Variants in MYO3A observed in about 807,000 individuals in gnomAD.
The protein encoded by MYO3A is myosin IIIA.
In MYO3A, 180 loss-of-function variants were observed where a neutral mutation model predicts 192.7. The ratio of observed to expected loss-of-function variants is 0.93; its 90% CI spans 0.83 to 1.06. The LOEUF (loss-of-function observed/expected upper bound fraction) is 1.06, where lower values mean the gene tolerates loss of function less well. MYO3A is among the 50% of genes least tolerant of loss of function. MYO3A has a pLI of 0.00. For missense variants in MYO3A, 1,896 were observed against 1,905.0 expected (o/e 1.00, Z 0.09); for synonymous variants, 628 against 645.3 (o/e 0.97, Z 0.41).
At chr10:25,967,838 G>C (rs1398120803) in intron 4 of MYO3A, among the ~76,000 whole-genome samples, 1 of 152,004 alleles carries the variant, frequency 6.6e-6, no homozygotes, top group African/African-American at 2.4e-5. Flanking sequence ...AGCACAATAG[G>C]CATATGGGAG....
chr10:26,044,741 G>A (rs1291401289), intron 10 of MYO3A, among the ~76,000 whole-genome samples: 2 of 152,098 alleles, frequency 1.3e-5, no homozygotes, highest in Non-Finnish European at 2.9e-5. Context: ...CAACCAATGG[G>A]GTACATATCT....
chr10:26,099,944 T>C (rs530078841), intron 17 of MYO3A, among the ~76,000 whole-genome samples: 3 of 152,198 alleles, frequency 2.0e-5, no homozygotes, highest in African/African-American at 7.2e-5. Flanking sequence ...TTAGGGAGGA[T>C]TCCCTCTTTT....
chr10:25,977,275 C>T (rs2130772637), intron 4 of MYO3A, among the ~76,000 whole-genome samples: 1 of 152,270 alleles, frequency 6.6e-6, no homozygotes, highest in East Asian at 1.9e-4. Context: ...CCATTTTAAT[C>T]AAACTCTTGA....
At chr10:26,166,333 TC>T (rs1841750017) in intron 27 of MYO3A, 155 bp downstream of exon 27, 8 of 721,288 alleles carry the variant, frequency 1.1e-5, no homozygotes, top group African/African-American at 1.8e-5. Context: ...ATAAAGATTT[TC>T]TTTTTCGTCA....
At chr10:25,955,087 C>T (rs1409191698) in intron 4 of MYO3A, 79 bp downstream of exon 4, 1 of 1,535,572 alleles carries the variant, frequency 6.5e-7, no homozygotes, top group East Asian at 2.3e-5. Context: ...ATTTATGTAA[C>T]ATTGATATCA....
intron 9 of MYO3A, among the ~76,000 whole-genome samples, chr10:26,024,554 A>G (rs1486232726): frequency 6.6e-6 from 1 of 152,120 alleles, no homozygotes; most frequent in Non-Finnish European, 1.5e-5. Flanking sequence ...GTGGCTGCTT[A>G]TGGTGTCACT....
At chr10:26,064,246 A>G (rs2131357216) in intron 10 of MYO3A, among the ~76,000 whole-genome samples, 1 of 152,316 alleles carries the variant, frequency 6.6e-6, no homozygotes, top group South Asian at 2.1e-4. Context: ...CATGGGAAGC[A>G]AGAAAGAGCT....
intron 24 of MYO3A, among the ~76,000 whole-genome samples, chr10:26,154,279 T>A (rs567457626): frequency 2.6e-4 from 40 of 152,268 alleles, no homozygotes; most frequent in Admixed American, 1.6e-3. Flanking sequence ...CCTCCCAGGC[T>A]CAAGTGATTC....
chr10:26,120,863 G>T lies in MYO3A; in HGVS notation c.1903+61G>T, dbSNP rs1838821787. The T allele has an allele frequency of 3.8e-6, 6 of 1,588,498 alleles. No individual in the cohort carries two copies. The Admixed American group carries it at 1.0e-4, about 27-fold the overall frequency. ...TTTCAAATCTTATGACATACCATAA[G>T]TATCACATAAGGACCATTTCAAGCA... On this transcript the variant is annotated intron_variant, in intron 18 of 34. Coordinates refer to ENST00000642920, the MANE Select transcript of MYO3A (RefSeq NM_017433.5).
chr10:26,076,683 A>G (rs188111655), intron 14 of MYO3A, among the ~76,000 whole-genome samples: 1 of 152,174 alleles, frequency 6.6e-6, no homozygotes, highest in East Asian at 1.9e-4. Flanking sequence ...AAGGTGAGAG[A>G]TGAGGATCCA....
chr10:26,134,569 T>C (rs967955833), intron 20 of MYO3A, among the ~76,000 whole-genome samples: 3 of 152,184 alleles, frequency 2.0e-5, no homozygotes, highest in Non-Finnish European at 4.4e-5. Context: ...TGATGAAGCT[T>C]AACAATTGTG....
chr10:26,057,401 C>T (rs1468088323), intron 10 of MYO3A, among the ~76,000 whole-genome samples: 2 of 152,132 alleles, frequency 1.3e-5, no homozygotes, highest in African/African-American at 4.8e-5. Context: ...GCGATGCTTC[C>T]ACCCTGGAAG....
Position 26,070,311 on chromosome 10 carries a change from T to C in MYO3A, c.1276-7T>C. 6.2e-7 allele frequency: 1 copy of C among 1,612,828 alleles called. No individual in the cohort carries two copies. Among genetic ancestry groups the C allele is most frequent in the East Asian group, 2.2e-5 (1 of 44,778 alleles). ...GGTCTTCTCACAGTTTTCTTTTCTA[T>C]GTATAGTGCATTGTTATTTCTGGAG... is the stretch of plus-strand genomic sequence containing the variant. On this transcript the variant is annotated splice_polypyrimidine_tract_variant and splice_region_variant and intron_variant, in intron 13 of 34. Coordinates refer to ENST00000642920, the MANE Select transcript of MYO3A (RefSeq NM_017433.5).
intron 10 of MYO3A, among the ~76,000 whole-genome samples, chr10:26,028,084 A>G (rs2131129660): frequency 6.6e-6 from 1 of 152,346 alleles, no homozygotes; most frequent in East Asian, 1.9e-4. Flanking sequence ...GAATATACAC[A>G]TTTAATTCCC....
At chr10:26,065,708 G>A in intron 10 of MYO3A, among the ~76,000 whole-genome samples, 1 of 151,826 alleles carries the variant, frequency 6.6e-6, no homozygotes, top group Non-Finnish European at 1.5e-5. Flanking sequence ...GTTTGTTGTT[G>A]TTTGTGGGGT....
At chr10:25,980,385 T>C (rs886323142) in intron 4 of MYO3A, among the ~76,000 whole-genome samples, 23 of 152,234 alleles carry the variant, frequency 1.5e-4, no homozygotes, top group African/African-American at 4.1e-4. Context: ...TAGTCATCTT[T>C]GATGCACTTG....
At position 25,949,848 on chromosome 10, in the gene MYO3A, C is replaced by T. The variant is rs115259479; in HGVS notation, c.-17-2246C>T. 8.2e-3 allele frequency among the ~76,000 whole-genome samples: 1,244 copies of T among 152,006 alleles called. 15 individuals are homozygous for T. The highest frequency in any genetic ancestry group is 0.027 in the African/African-American group (1,122 of 41,486). ...CAACAGCTATATATTTAACATTTAC[C>T]GTATTTTCTAGGTACAGAGTAAGGC... is the stretch of plus-strand genomic sequence containing the variant. On this transcript the variant is annotated intron_variant, in intron 2 of 34. Transcript: ENST00000642920.
At chr10:26,197,383 A>G (rs1035749867) in intron 32 of MYO3A, among the ~76,000 whole-genome samples, 1 of 152,200 alleles carries the variant, frequency 6.6e-6, no homozygotes, top group Non-Finnish European at 1.5e-5. Context: ...CTTTAAGACC[A>G]GAAGGGTTAG....
At chr10:26,158,609 A>G (rs749326896) in intron 26 of MYO3A, among the ~76,000 whole-genome samples, 5 of 152,116 alleles carry the variant, frequency 3.3e-5, no homozygotes, top group Admixed American at 6.5e-5. Context: ...GCTATATACT[A>G]AATATATTTT....
Sources: allele counts gnomAD v4.1 joint callset (sites outside exome capture counted in the v4.1 genomes callset), GRCh38; gene constraint gnomAD v4.1.1; transcripts MANE v1.5; gene names NCBI Gene and HGNC (gene_info 2026-07-23, HGNC 2026-07-21).